The following CREBBP variants were observed in gnomAD, a reference collection of about 807,000 sequenced individuals.
CREBBP encodes the protein CREB-binding protein.
Under a neutral mutation model 265.0 loss-of-function variants are expected in CREBBP, and 19 were observed. That is an observed-to-expected ratio of 0.07 (90% confidence interval 0.05 to 0.11). CREBBP has a LOEUF of 0.11. Ranked by LOEUF, CREBBP falls within the 10% of genes least tolerant of loss-of-function variation. CREBBP has a pLI of 1.00. For missense variants in CREBBP, 2,525 were observed against 3,219.0 expected, an observed-to-expected ratio of 0.78 and a Z score of 5.22; for synonymous variants, 1,457 against 1,223.7, an observed-to-expected ratio of 1.19 and a Z score of -3.98.
intron 5 of CREBBP, among the ~76,000 whole-genome samples, chr16:3,787,783 C>A (rs2053420685): frequency 2.6e-5 from 4 of 152,148 alleles, no homozygotes; most frequent in African/African-American, 9.7e-5. Context: ...CTGCCTCAGC[C>A]TCCCACCTCA....
Position 3,879,824 on chromosome 16 carries a change from C to G in CREBBP, c.85+8G>C. On this transcript the variant is annotated splice_region_variant and intron_variant, in intron 1 of 30. Coordinates refer to ENST00000262367, the MANE Select transcript of CREBBP (RefSeq NM_004380.3). ...CCGGGCCCCCGCCGCCCCGGACCCC[C>G]TCCTCACCTGTGCTGTCATTCGCCG... The G allele has an allele frequency of 6.3e-7, 1 of 1,599,900 alleles. No homozygotes were observed. Among genetic ancestry groups the G allele is most frequent in the Non-Finnish European group, 8.5e-7 (1 of 1,173,118 alleles).
At chr16:3,789,945 T>C (rs549488946) in intron 5 of CREBBP, among the ~76,000 whole-genome samples, 2 of 151,892 alleles carry the variant, frequency 1.3e-5, no homozygotes, top group Non-Finnish European at 2.9e-5. Context: ...TAAGTGTTTC[T>C]TAAAAAGAGA....
rs908283049 is a variant in CREBBP at position 3,736,120 on chromosome 16, C to T, written c.4644G>A (p.Val1548=). 4 of 1,614,114 alleles carry T rather than the reference C, an allele frequency of 2.5e-6. No homozygotes were observed. In the African/African-American group the frequency reaches 4.0e-5, roughly 16 times the overall value. The change falls in exon 28 of 31, where the codon GTG becomes GTA. Residue 1548 remains valine (V), a synonymous_variant. Transcript: ENST00000262367. ...CTAGTTCCTTAATGCTCTCTTCTAACACATTGGGCCAGAAATCACCTTCAA... is the reference window on the plus strand; with the variant it reads ...CTAGTTCCTTAATGCTCTCTTCTAATACATTGGGCCAGAAATCACCTTCAA... ...PYFEGDFWPN[V]LEESIKELEQ...
intron 2 of CREBBP, among the ~76,000 whole-genome samples, chr16:3,821,109 C>T (rs148313960): frequency 8.5e-5 from 13 of 152,318 alleles, no homozygotes; most frequent in African/African-American, 2.9e-4. Context: ...TGGGACAAAC[C>T]TCTTGGTCCC....
intron 3 of CREBBP, among the ~76,000 whole-genome samples, chr16:3,804,759 T>C (rs1053781579): frequency 5.9e-5 from 9 of 152,234 alleles, no homozygotes; most frequent in African/African-American, 2.2e-4. Context: ...CAGCACATCT[T>C]GTGTAGACAA....
rs1352220475 is a variant in CREBBP, at chr16:3,825,302, G to GTCTT, written c.799-14524_799-14523insAAGA. Among the ~76,000 whole-genome samples, 3 of 152,154 alleles carry GTCTT rather than the reference G, an allele frequency of 2.0e-5. No homozygotes were observed. In the East Asian group the frequency reaches 5.8e-4, roughly 29 times the overall value. On this transcript the variant is annotated intron_variant, in intron 2 of 30. Transcript: ENST00000262367. ...TATGACTCACTGCTAAGGGCATTAAGTTTTTACTTAGTAAATAAAAATGCA... is the reference window on the plus strand; with the variant it reads ...TATGACTCACTGCTAAGGGCATTAAGTCTTTTTTTACTTAGTAAATAAAAATGCA...
chr16:3,759,519 G>A (rs1184021652), intron 16 of CREBBP, among the ~76,000 whole-genome samples: 1 of 150,172 alleles, frequency 6.7e-6, no homozygotes, highest in Non-Finnish European at 1.5e-5. Context: ...CCCAGGAGAC[G>A]GAGGTTGCAG....
intron 19 of CREBBP, among the ~76,000 whole-genome samples, chr16:3,756,332 G>A (rs562024935): frequency 2.6e-5 from 4 of 152,286 alleles, no homozygotes; most frequent in African/African-American, 4.8e-5. Flanking sequence ...CGCATGGTGC[G>A]CTCACACTGC....
intron 2 of CREBBP, among the ~76,000 whole-genome samples, chr16:3,817,480 C>T (rs2054061183): frequency 7.0e-6 from 1 of 143,240 alleles, no homozygotes; most frequent in South Asian, 2.1e-4. Context: ...CTCTACTACT[C>T]ACCTAACTCC....
intron 2 of CREBBP, among the ~76,000 whole-genome samples, chr16:3,823,941 T>C (rs561896247): frequency 2.8e-5 from 4 of 143,842 alleles, no homozygotes; most frequent in African/African-American, 5.2e-5. Context: ...ACACTGGAAG[T>C]TGAAAAGGCT....
intron 2 of CREBBP, among the ~76,000 whole-genome samples, chr16:3,838,342 G>A (rs1400595304): frequency 2.0e-5 from 3 of 152,040 alleles, no homozygotes; most frequent in African/African-American, 7.3e-5. Flanking sequence ...TGCCATCTAG[G>A]TTTGCATAAC....
At chr16:3,871,962 T>G (rs566016650) in intron 1 of CREBBP, among the ~76,000 whole-genome samples, 30 of 152,338 alleles carry the variant, frequency 2.0e-4, no homozygotes, top group African/African-American at 7.0e-4. Context: ...TCAGATTTAA[T>G]CATGTAGAAT....
At chr16:3,874,552 GT>G (rs1370261308) in intron 1 of CREBBP, among the ~76,000 whole-genome samples, 1 of 152,206 alleles carries the variant, frequency 6.6e-6, no homozygotes, top group Non-Finnish European at 1.5e-5. Context: ...GCCTTGAGTA[GT>G]TGCAACAAGA....
At chr16:3,779,933 GTC>G (rs920866230) in intron 8 of CREBBP, among the ~76,000 whole-genome samples, 1 of 151,724 alleles carries the variant, frequency 6.6e-6, no homozygotes, top group Admixed American at 6.6e-5. Flanking sequence ...GCAAGACTCC[GTC>G]TCTCTCTCTC....
At chr16:3,776,808 T>G (rs1470117218) in intron 11 of CREBBP, among the ~76,000 whole-genome samples, 1 of 149,440 alleles carries the variant, frequency 6.7e-6, no homozygotes, top group Non-Finnish European at 1.5e-5. Context: ...TTCACGCGAT[T>G]GAGACCATCC....
intron 16 of CREBBP, among the ~76,000 whole-genome samples, chr16:3,766,109 TAA>T (rs1488859615): frequency 1.3e-5 from 2 of 152,066 alleles, no homozygotes; most frequent in Non-Finnish European, 1.5e-5. Context: ...CTGCAGAACT[TAA>T]GTGTCAATTG....
chr16:3,742,106 A>C (rs889326066), intron 23 of CREBBP: 11 of 149,990 alleles, frequency 7.3e-5, no homozygotes, highest in South Asian at 4.2e-4. Flanking sequence ...ACAAAAAAAA[A>C]ACAAAAAAAC....
chr16:3,872,961 G>C, intron 1 of CREBBP, among the ~76,000 whole-genome samples: 1 of 152,262 alleles, frequency 6.6e-6, no homozygotes, highest in East Asian at 1.9e-4. Flanking sequence ...TCAGGAAACA[G>C]GGGAGGGAGT....
intron 1 of CREBBP, among the ~76,000 whole-genome samples, chr16:3,874,196 A>G (rs1482193849): frequency 6.6e-6 from 1 of 152,204 alleles, no homozygotes; most frequent in Non-Finnish European, 1.5e-5. Context: ...CATCCATATA[A>G]CTGTTACAGA....
Sources: gnomAD v4.1 joint callset for allele counts (sites outside exome capture counted in the v4.1 genomes callset) on GRCh38, gnomAD v4.1.1 for gene constraint, MANE v1.5 for transcripts, NCBI Gene and HGNC (gene_info 2026-07-23, HGNC 2026-07-21) for gene names.